EXOC6B: variants seen among roughly 807,000 people sequenced by gnomAD.
The protein encoded by EXOC6B is exocyst complex component 6B.
EXOC6B carries 54 observed loss-of-function variants against 113.5 expected under a neutral mutation model. The ratio of observed to expected loss-of-function variants is 0.48; its 90% confidence interval spans 0.38 to 0.60. The LOEUF is 0.60. Among genes scored for constraint, EXOC6B ranks in the 20% least tolerant of loss-of-function variants. The pLI, the probability that EXOC6B is intolerant of heterozygous loss-of-function variation, is 0.00. For missense variants in EXOC6B, 797 were observed against 977.5 expected (o/e 0.82, Z 2.46); for synonymous variants, 357 against 339.0 (o/e 1.05, Z -0.58).
chr2:72,514,599 TAAATAA>T (rs758383727), intron 10 of EXOC6B, 29 bp downstream of exon 10: 2,443 of 203,772 alleles, frequency 0.012, 55 homozygotes, highest in Admixed American at 0.064. Flanking sequence ...AATAAATAAA[TAAATAA>T]ATATATATAT....
intron 6 of EXOC6B, among the ~76,000 whole-genome samples, chr2:72,656,387 CTA>C (rs1387991826): frequency 6.6e-6 from 1 of 151,706 alleles, no homozygotes; most frequent in Admixed American, 6.6e-5. Context: ...AGGAGAATAA[CTA>C]ATTGTAAAAT....
At chr2:72,458,444 G>A (rs1558686744) in intron 18 of EXOC6B, among the ~76,000 whole-genome samples, 1 of 152,074 alleles carries the variant, frequency 6.6e-6, no homozygotes, top group East Asian at 1.9e-4. Context: ...GAATATAATG[G>A]TTGGTGAATC....
chr2:72,790,155 T>G (rs1046348156), intron 1 of EXOC6B, among the ~76,000 whole-genome samples: 3 of 152,120 alleles, frequency 2.0e-5, no homozygotes, highest in Non-Finnish European at 4.4e-5. Flanking sequence ...CTGATAAGGG[T>G]ATTTCCAGCC....
chr2:72,240,428 GA>G (rs201593398), intron 20 of EXOC6B, among the ~76,000 whole-genome samples: 9 of 150,764 alleles, frequency 6.0e-5, no homozygotes, highest in East Asian at 1.9e-4. Context: ...AATACTTACG[GA>G]AAAAAAAATA....
chr2:72,283,180 G>A (rs904883651), intron 20 of EXOC6B, among the ~76,000 whole-genome samples: 2 of 151,964 alleles, frequency 1.3e-5, no homozygotes, highest in Non-Finnish European at 1.5e-5. Flanking sequence ...ATCTTCAAAC[G>A]ACTAGGAATA....
In EXOC6B at chr2:72,193,790, C is replaced by G. The variant is rs181717251; in HGVS notation, c.2197-9603G>C. On this transcript the variant is annotated intron_variant, in intron 20 of 21. Coordinates refer to ENST00000272427, the MANE Select transcript of EXOC6B (RefSeq NM_015189.3). Reference sequence around the variant, plus strand: ...ACCAAGACAAATGAGGCCTCATATGCTAAGCTAAGGAGATTGATTTTAGCC... The same window carrying G: ...ACCAAGACAAATGAGGCCTCATATGGTAAGCTAAGGAGATTGATTTTAGCC... Among the ~76,000 whole-genome samples the G allele has an allele frequency of 5.3e-5, 8 of 152,244 alleles. No homozygotes were observed. In the East Asian group the frequency reaches 1.5e-3, roughly 29 times the overall value.
chr2:72,783,872 T>G (rs1558999123), intron 1 of EXOC6B, among the ~76,000 whole-genome samples: 1 of 152,232 alleles, frequency 6.6e-6, no homozygotes, highest in East Asian at 1.9e-4. Flanking sequence ...GTCTATTTTT[T>G]GTTTTGTTAC....
chr2:72,249,847 A>G (rs1420880548), intron 20 of EXOC6B, among the ~76,000 whole-genome samples: 1 of 152,208 alleles, frequency 6.6e-6, no homozygotes, highest in Non-Finnish European at 1.5e-5. Context: ...GAACTGCATG[A>G]AATTGCTGTT....
intron 19 of EXOC6B, among the ~76,000 whole-genome samples, chr2:72,367,750 G>A (rs1470335470): frequency 6.6e-6 from 1 of 152,146 alleles, no homozygotes; most frequent in East Asian, 1.9e-4. Context: ...TGCAGCAACT[G>A]GGGGACTTTA....
intron 8 of EXOC6B, among the ~76,000 whole-genome samples, chr2:72,551,128 T>C (rs945881090): frequency 1.3e-5 from 2 of 152,158 alleles, no homozygotes; most frequent in Non-Finnish European, 2.9e-5. Flanking sequence ...AACATACAAC[T>C]AGTAAATGTG....
chr2:72,181,291 T>C (rs867266649), intron 21 of EXOC6B, among the ~76,000 whole-genome samples: 1 of 151,694 alleles, frequency 6.6e-6, no homozygotes, highest in African/African-American at 2.4e-5. Flanking sequence ...ACTCAGAACA[T>C]TGAATATAAG....
At chr2:72,678,041 A>T (rs1314655592) in intron 6 of EXOC6B, among the ~76,000 whole-genome samples, 1 of 152,114 alleles carries the variant, frequency 6.6e-6, no homozygotes, top group Non-Finnish European at 1.5e-5. Context: ...AATAACAAAC[A>T]TGTTTTCCCT....
chr2:72,760,574 T>A (rs1265498198), intron 1 of EXOC6B: 1 of 164,942 alleles, frequency 6.1e-6, no homozygotes, highest in Non-Finnish European at 1.3e-5. Context: ...GAAATGAGCA[T>A]GTAGACAAGT....
intron 20 of EXOC6B, among the ~76,000 whole-genome samples, chr2:72,290,554 C>T (rs545928123): frequency 2.6e-5 from 4 of 152,076 alleles, no homozygotes; most frequent in Admixed American, 2.0e-4. Context: ...TGATACTTAA[C>T]ATAAAATGTT....
chr2:72,727,663 GGTGTGTCA>G (rs1680383516), intron 5 of EXOC6B, among the ~76,000 whole-genome samples: 1 of 152,074 alleles, frequency 6.6e-6, no homozygotes, highest in Non-Finnish European at 1.5e-5. Context: ...TGGGGATGAC[GGTGTGTCA>G]TGTTAGCAAC....
intron 6 of EXOC6B, among the ~76,000 whole-genome samples, chr2:72,671,074 T>C (rs1200273931): frequency 4.6e-5 from 7 of 151,894 alleles, no homozygotes; most frequent in Admixed American, 6.6e-5. Flanking sequence ...AAAAAAAACA[T>C]TGGGGAAATG....
intron 20 of EXOC6B, among the ~76,000 whole-genome samples, chr2:72,307,332 G>C (rs776994939): frequency 2.4e-4 from 37 of 151,808 alleles, no homozygotes; most frequent in Non-Finnish European, 5.1e-4. Flanking sequence ...TATTTTAATG[G>C]AGACAGGTTT....
At chr2:72,239,961 A>G (rs559893573) in intron 20 of EXOC6B, among the ~76,000 whole-genome samples, 1 of 152,246 alleles carries the variant, frequency 6.6e-6, no homozygotes, top group South Asian at 2.1e-4. Flanking sequence ...GTTCATTGCT[A>G]CTGTACAGAA....
intron 6 of EXOC6B, among the ~76,000 whole-genome samples, chr2:72,607,548 G>A (rs1670826418): frequency 1.3e-5 from 2 of 152,142 alleles, no homozygotes; most frequent in South Asian, 4.1e-4. Flanking sequence ...TACAAATGCT[G>A]TATAATACTT....
Sources: allele counts gnomAD v4.1 joint callset (sites outside exome capture counted in the v4.1 genomes callset), GRCh38; gene constraint gnomAD v4.1.1; transcripts MANE v1.5; gene names NCBI Gene and HGNC (gene_info 2026-07-23, HGNC 2026-07-21).